Variants in TTC9 observed in about 807,000 individuals in gnomAD.
The protein encoded by TTC9 is tetratricopeptide repeat domain 9, also known as tetratricopeptide repeat protein 9A.
Under a neutral mutation model 22.9 loss-of-function variants are expected in TTC9, and 13 were observed. The observed-to-expected ratio is 0.57, with a 90% CI of 0.37 to 0.90. The LOEUF (loss-of-function observed/expected upper bound fraction) is 0.90, where lower values mean the gene tolerates loss of function less well. Among genes scored for constraint, TTC9 ranks in the 40% least tolerant of loss-of-function variants. The pLI is 0.01. For synonymous variants in TTC9, 148 were observed against 133.2 expected (o/e 1.11, Z -0.77); for missense variants, 280 against 291.8 (o/e 0.96, Z 0.29).
At chr14:70,664,527 A>G (rs1010965222) in intron 1 of TTC9, among the ~76,000 whole-genome samples, 2 of 152,024 alleles carry the variant, frequency 1.3e-5, no homozygotes, top group Non-Finnish European at 2.9e-5. Context: ...GGAGTTCGAG[A>G]CCAGCCTGAC....
At chr14:70,650,338 G>T (rs747010969) in intron 1 of TTC9, among the ~76,000 whole-genome samples, 1 of 151,944 alleles carries the variant, frequency 6.6e-6, no homozygotes, top group African/African-American at 2.4e-5. Flanking sequence ...CAGGAGAATC[G>T]CTTAAACCTG....
At chr14:70,647,645 T>C (rs1885923056) in intron 1 of TTC9, among the ~76,000 whole-genome samples, 1 of 152,152 alleles carries the variant, frequency 6.6e-6, no homozygotes, top group Admixed American at 6.5e-5. Context: ...AATTCTTTGC[T>C]CCTGGGGCAT....
intron 1 of TTC9, among the ~76,000 whole-genome samples, chr14:70,648,785 G>A (rs1885938223): frequency 6.6e-6 from 1 of 152,216 alleles, no homozygotes; most frequent in Non-Finnish European, 1.5e-5. Context: ...GATGATTAGT[G>A]TGGCCCAGAC....
chr14:70,656,158 C>T (rs936801689), intron 1 of TTC9, among the ~76,000 whole-genome samples: 2 of 151,912 alleles, frequency 1.3e-5, no homozygotes, highest in African/African-American at 4.8e-5. Context: ...AAATTCTTCA[C>T]CCATACAGAA....
chr14:70,668,050 A>G (rs1886238995), intron 2 of TTC9, among the ~76,000 whole-genome samples: 3 of 152,284 alleles, frequency 2.0e-5, no homozygotes, highest in South Asian at 4.1e-4. Context: ...AATTCATACT[A>G]TGTGCCAAGA....
intron 1 of TTC9, among the ~76,000 whole-genome samples, chr14:70,643,886 A>C (rs1461436070): frequency 2.0e-5 from 3 of 152,210 alleles, no homozygotes; most frequent in African/African-American, 7.2e-5. Context: ...TAGTAGCAGC[A>C]GTTGGAGGAG....
intron 1 of TTC9, among the ~76,000 whole-genome samples, chr14:70,657,219 C>T (rs1323668313): frequency 2.0e-5 from 3 of 152,218 alleles, no homozygotes; most frequent in Admixed American, 6.5e-5. Context: ...CTCTTGAATG[C>T]TTTCCATATT....
chr14:70,651,188 G>T (rs1885980072), intron 1 of TTC9, among the ~76,000 whole-genome samples: 1 of 152,164 alleles, frequency 6.6e-6, no homozygotes, highest in South Asian at 2.1e-4. Flanking sequence ...CGCTATGTTG[G>T]CCAGGATGGC....
At chr14:70,642,599 A>T (rs1885839597) in intron 1 of TTC9, 64 bp downstream of exon 1, 1 of 1,424,932 alleles carries the variant, frequency 7.0e-7, no homozygotes, top group Admixed American at 2.4e-5. Flanking sequence ...TCCGCGGACC[A>T]CTGCGGCGCT....
intron 1 of TTC9, among the ~76,000 whole-genome samples, chr14:70,655,421 AAAG>A (rs1330379349): frequency 6.6e-6 from 1 of 151,632 alleles, no homozygotes; most frequent in Non-Finnish European, 1.5e-5. Context: ...AAAAAAAAAC[AAAG>A]AAGAAGGTAA....
intron 1 of TTC9, among the ~76,000 whole-genome samples, chr14:70,642,939 C>T (rs1388518027): frequency 6.6e-6 from 1 of 152,216 alleles, no homozygotes; most frequent in Non-Finnish European, 1.5e-5. Context: ...TGTCTGCTCT[C>T]CTTAGGTAGC....
intron 1 of TTC9, among the ~76,000 whole-genome samples, chr14:70,648,926 C>T (rs1245147971): frequency 6.6e-6 from 1 of 152,146 alleles, no homozygotes; most frequent in Non-Finnish European, 1.5e-5. Flanking sequence ...TATTTATTAC[C>T]ACTGTAAAGC....
At chr14:70,662,014 C>T (rs778896900) in intron 1 of TTC9, among the ~76,000 whole-genome samples, 12 of 152,192 alleles carry the variant, frequency 7.9e-5, no homozygotes, top group South Asian at 2.1e-4. Flanking sequence ...CTTCTTCCCA[C>T]GCCTTGATAG....
At chr14:70,652,885 A>C (rs61980468) in intron 1 of TTC9, among the ~76,000 whole-genome samples, 42,379 of 152,184 alleles carry the variant, frequency 0.28, 6,920 homozygotes, top group East Asian at 0.54. Context: ...ATGAGTGCCC[A>C]TGAGGATGGA....
At chr14:70,654,125 C>A (rs1000231769) in intron 1 of TTC9, among the ~76,000 whole-genome samples, 1 of 152,090 alleles carries the variant, frequency 6.6e-6, no homozygotes, top group East Asian at 1.9e-4. Context: ...CCAAAACACC[C>A]AGGGTCCCTC....
At chr14:70,665,536 C>T (rs566393229) in intron 1 of TTC9, among the ~76,000 whole-genome samples, 33 of 152,212 alleles carry the variant, frequency 2.2e-4, no homozygotes, top group Non-Finnish European at 3.5e-4. Flanking sequence ...CCTGGGTGAA[C>T]AAGAGCTGCC....
Position 70,659,132 on chromosome 14 carries a change from G to GCGCACACA in TTC9, c.407-8431_407-8430insGCACACAC, listed in dbSNP as rs762892061. On this transcript the variant is annotated intron_variant, in intron 1 of 2. Coordinates refer to ENST00000256367, the MANE Select transcript of TTC9 (RefSeq NM_015351.2). Reference sequence around the variant, plus strand: ...TGTATATAACTAAACACACACACACGCACACACACACACACACACACACAC... The same window carrying GCGCACACA: ...TGTATATAACTAAACACACACACACGCGCACACACACACACACACACACACACACACAC... Among the ~76,000 whole-genome samples the GCGCACACA allele has an allele frequency of 5.6e-3, 807 of 144,328 alleles. 8 individuals carry two copies. Among genetic ancestry groups the GCGCACACA allele is most frequent in the African/African-American group, 0.019 (737 of 38,640 alleles). The allele number at this position is 144,328 out of a possible 152,430, so 94.7% of individuals were successfully genotyped here.
intron 2 of TTC9, 47 bp from the exon 3 acceptor site, chr14:70,671,029 A>C: frequency 1.3e-6 from 2 of 1,556,264 alleles, no homozygotes; most frequent in Non-Finnish European, 1.8e-6. Context: ...TAAATGTGAT[A>C]GTTGCCCTCA....
intron 2 of TTC9, 54 bp downstream of exon 2, chr14:70,667,800 G>A: frequency 6.6e-7 from 1 of 1,514,486 alleles, no homozygotes; most frequent in South Asian, 1.3e-5. Context: ...TGGCTCCTGG[G>A]ACCTTCTCAT....
Sources: allele counts gnomAD v4.1 joint callset (sites outside exome capture counted in the v4.1 genomes callset), GRCh38; gene constraint gnomAD v4.1.1; transcripts MANE v1.5; gene names NCBI Gene and HGNC (gene_info 2026-07-23, HGNC 2026-07-21).